Variants in GP1BA observed in about 807,000 individuals in gnomAD.
The protein encoded by GP1BA is platelet glycoprotein Ib alpha chain.
In GP1BA, 3 loss-of-function variants were observed where a neutral mutation model predicts 5.6. The ratio of observed to expected loss-of-function variants is 0.53; its 90% CI spans 0.24 to 1.38. The LOEUF (loss-of-function observed/expected upper bound fraction) is 1.38. GP1BA is among the 40% of genes most tolerant of loss of function. GP1BA has a pLI of 0.16. For synonymous variants in GP1BA, 323 were observed against 358.3 expected (o/e 0.90, Z 1.11); for missense variants, 707 against 801.4 (o/e 0.88, Z 1.42).
chr17:4,932,362 G>A lies in GP1BA; in HGVS notation c.-10G>A. On this transcript the variant is annotated 5_prime_UTR_variant, in exon 1 of 2. Coordinates refer to ENST00000329125, the MANE Select transcript of GP1BA (RefSeq NM_000173.7). This position sits in a 1 kb window ranked among gnomAD's most constrained non-coding sequence, Gnocchi z 4.8. ...TGTGCCTTCGGAGGTCTTTCTGCCT[G>A]CCTGTAAGCCGGGGTTGGTGCTGGG... The A allele has an allele frequency of 7.2e-7, 1 of 1,382,698 alleles. No individual in the cohort carries two copies. The highest frequency in any genetic ancestry group is 9.4e-7 in the Non-Finnish European group (1 of 1,068,062). The allele number at this position is 1,382,698 out of a possible 1,614,324, so 85.7% of individuals were successfully genotyped here.
Position 4,933,600 on chromosome 17 carries a change from T to C in GP1BA, c.996T>C (p.Ala332=). ...PWGLFYSWST[A]SLDSQMPSSL... Reference sequence around the variant, plus strand: ...GTCTATTCTACTCATGGTCCACTGCTTCTCTAGACAGCCAAATGCCCTCCT... The same window carrying C: ...GTCTATTCTACTCATGGTCCACTGCCTCTCTAGACAGCCAAATGCCCTCCT... The change falls in exon 2 of 2, where the codon GCT becomes GCC. Residue 332 remains alanine (A), a synonymous_variant. Transcript: ENST00000329125. The C allele has an allele frequency of 6.2e-7, 1 of 1,613,800 alleles. No individual in the cohort carries two copies. The highest frequency in any genetic ancestry group is 8.5e-7 in the Non-Finnish European group (1 of 1,179,822).
In GP1BA at chr17:4,934,586, G is replaced by T; in HGVS notation, c.*23G>T. 1 of 1,611,312 alleles carries T rather than the reference G, an allele frequency of 6.2e-7. No homozygotes were observed. Among genetic ancestry groups the T allele is most frequent in the South Asian group, 1.1e-5 (1 of 90,802 alleles). ...TGAGGGTGGGAGGTTTGGGGACCTT[G>T]AGAGAAGAGCCTGTGGGCTCTCCTA... On this transcript the variant is annotated 3_prime_UTR_variant, in exon 2 of 2. Coordinates refer to ENST00000329125, the MANE Select transcript of GP1BA (RefSeq NM_000173.7).
Position 4,933,514 on chromosome 17 carries a change from A to G in GP1BA, c.910A>G (p.Lys304Glu), listed in dbSNP as rs764047219. ...YYPEEDTEGDKVRATRTVVKF... is the reference protein window; with the variant it reads ...YYPEEDTEGDEVRATRTVVKF... ...CCCAGAAGAGGACACTGAGGGCGAT[A>G]AGGTGCGTGCCACAAGGACTGTGGT... Residue 304 changes from lysine (K) to glutamate (E), a missense_variant, in exon 2 of 2, where the codon AAG becomes GAG. By Grantham distance (56) the Lys-to-Glu change is moderately conservative (BLOSUM62 1). Transcript: ENST00000329125. 7 of 1,613,852 alleles carry G rather than the reference A, an allele frequency of 4.3e-6. No individual in the cohort carries two copies. Among genetic ancestry groups the G allele is most frequent in the Non-Finnish European group, 5.9e-6 (7 of 1,179,810 alleles).
At position 4,932,290 on chromosome 17, in the gene GP1BA, G is replaced by T. The variant is rs955928257; in HGVS notation, c.-82G>T. 8.2e-7 allele frequency: 1 copy of T among 1,213,474 alleles called. No homozygotes were observed. The highest frequency in any genetic ancestry group is 3.4e-4 in the Middle Eastern group (1 of 2,912). 75.2% of individuals were successfully genotyped at this position (1,213,474 alleles called of 1,614,324 possible). Reference sequence around the variant, plus strand: ...TGCCACTGGCTTAGTCCTCCATGGGGCTAGAAGAGAGAAGGACGGAGTCGA... The same window carrying T: ...TGCCACTGGCTTAGTCCTCCATGGGTCTAGAAGAGAGAAGGACGGAGTCGA... On this transcript the variant is annotated 5_prime_UTR_variant, in exon 1 of 2. Transcript: ENST00000329125. This position sits in a 1 kb window ranked among gnomAD's most constrained non-coding sequence, Gnocchi z 4.8.
Position 4,933,567 on chromosome 17 carries a change from C to T in GP1BA, c.963C>T (p.Thr321=), listed in dbSNP as rs527303575. 24 of 1,613,926 alleles carry T rather than the reference C, an allele frequency of 1.5e-5. No homozygotes were observed. The highest frequency in any genetic ancestry group is 8.0e-5 in the African/African-American group (6 of 74,998). Residue 321 remains threonine (T), a synonymous_variant, in exon 2 of 2, where the codon ACC becomes ACT. Transcript: ENST00000329125. ...VVKFPTKAHT[T]PWGLFYSWST... is the part of the protein sequence containing the mutation. ...AGTTCCCCACCAAAGCCCATACAACCCCCTGGGGTCTATTCTACTCATGGT... is the reference window on the plus strand; with the variant it reads ...AGTTCCCCACCAAAGCCCATACAACTCCCTGGGGTCTATTCTACTCATGGT...
chr17:4,932,382 G>A lies in GP1BA; in HGVS notation c.-7+17G>A. 7.1e-7 allele frequency: 1 copy of A among 1,402,866 alleles called. No homozygotes were observed. The highest frequency in any genetic ancestry group is 2.9e-5 in the Admixed American group (1 of 33,998). 86.9% of individuals were successfully genotyped at this position (1,402,866 alleles called of 1,614,324 possible). A position where few individuals can be genotyped will look rare whatever the true frequency, so the allele number is the denominator to read the frequency against. On this transcript the variant is annotated intron_variant, in intron 1 of 1. Coordinates refer to ENST00000329125, the MANE Select transcript of GP1BA (RefSeq NM_000173.7). This position sits in a 1 kb window ranked among gnomAD's most constrained non-coding sequence, Gnocchi z 4.8. ...TGCCTGCCTGTAAGCCGGGGTTGGTGCTGGGGCAGGAGAGGGGTCTGAGGG... is the reference window on the plus strand; with the variant it reads ...TGCCTGCCTGTAAGCCGGGGTTGGTACTGGGGCAGGAGAGGGGTCTGAGGG...
Position 4,934,200 on chromosome 17 carries a change from C to G in GP1BA, c.1596C>G (p.Gly532=), listed in dbSNP as rs781121287. 1 of 1,613,796 alleles carries G rather than the reference C, an allele frequency of 6.2e-7. No individual in the cohort carries two copies. The highest frequency in any genetic ancestry group is 1.7e-5 in the Admixed American group (1 of 59,978). The change falls in exon 2 of 2, where the codon GGC becomes GGG. Residue 532 remains glycine, a synonymous_variant. Transcript: ENST00000329125. ...ACTTTTGCTGCCTCCTCCCCCTGGG[C>G]TTCTATGTCTTGGGTCTCTTCTGGC... ...HPDFCCLLPL[G]FYVLGLFWLL... is the part of the protein sequence containing the mutation.
At position 4,934,567 on chromosome 17, in the gene GP1BA, T is replaced by C; in HGVS notation, c.*4T>C. ...GTACTCTGGCCACAGCCTCTGAGGGTGGGAGGTTTGGGGACCTTGAGAGAA... is the reference window on the plus strand; with the variant it reads ...GTACTCTGGCCACAGCCTCTGAGGGCGGGAGGTTTGGGGACCTTGAGAGAA... On this transcript the variant is annotated 3_prime_UTR_variant, in exon 2 of 2. Transcript: ENST00000329125. 1 of 1,613,168 alleles carries C rather than the reference T, an allele frequency of 6.2e-7. No homozygotes were observed. The highest frequency in any genetic ancestry group is 1.1e-5 in the South Asian group (1 of 90,978).
In GP1BA at chr17:4,934,660, G is replaced by GC; in HGVS notation, c.*97_*98insC. ...GGGGTAAGGAACACAGGGTGATAGG[G>GC]AGGGGTCTTAGTTCCTTTTTCTGTA... On this transcript the variant is annotated 3_prime_UTR_variant, in exon 2 of 2. Transcript: ENST00000329125. 7.9e-7 allele frequency: 1 copy of GC among 1,265,632 alleles called. No individual in the cohort carries two copies. The highest frequency in any genetic ancestry group is 1.3e-5 in the South Asian group (1 of 77,976). 78.4% of individuals were successfully genotyped at this position (1,265,632 alleles called of 1,614,324 possible). A position where few individuals can be genotyped will look rare whatever the true frequency, so the allele number is the denominator to read the frequency against.
rs565951499 is a variant in GP1BA at position 4,933,855 on chromosome 17, C to T, written c.1251C>T (p.Pro417=). The part of the protein sequence containing the change: ...SPTTPEPTSE[P]APSPTTPEPT... ...CCACCCCAGAGCCCACCTCAGAGCC[C>T]GCCCCCAGCCCGACCACCCCGGAGC... The change falls in exon 2 of 2, where the codon CCC becomes CCT. Residue 417 remains proline (P), a synonymous_variant. Transcript: ENST00000329125. 7.6e-5 allele frequency: 107 copies of T among 1,412,440 alleles called. 1 individual carries two copies. The East Asian group carries it at 3.5e-3, about 47-fold the overall frequency. 87.5% of individuals were successfully genotyped at this position (1,412,440 alleles called of 1,614,324 possible).
In GP1BA at chr17:4,933,121, A is replaced by C; in HGVS notation, c.517A>C (p.Asn173His). The change falls in exon 2 of 2, where the codon AAC (asparagine) becomes CAC (histidine). Residue 173 changes from asparagine to histidine, a missense_variant. Asn to His is a moderately conservative substitution (Grantham distance 68, BLOSUM62 1). Transcript: ENST00000329125. ...TPKLEKLSLA[N>H]NNLTELPAGL... is the part of the protein sequence containing the mutation. ...CAAGCTGGAGAAGCTCAGTCTGGCTAACAACAACTTGACTGAGCTCCCCGC... is the reference window on the plus strand; with the variant it reads ...CAAGCTGGAGAAGCTCAGTCTGGCTCACAACAACTTGACTGAGCTCCCCGC... The C allele has an allele frequency of 6.2e-7, 1 of 1,613,870 alleles. No homozygotes were observed. Among genetic ancestry groups the C allele is most frequent in the Non-Finnish European group, 8.5e-7 (1 of 1,179,770 alleles).
chr17:4,932,649 C>T lies in GP1BA; in HGVS notation c.45C>T (p.His15=), dbSNP rs952083624. 56 of 1,613,774 alleles carry T rather than the reference C, an allele frequency of 3.5e-5. No homozygotes were observed. The highest frequency in any genetic ancestry group is 4.5e-5 in the Non-Finnish European group (53 of 1,179,848). ...LLLLLLPSPL[H]PHPICEVSKV... is the part of the protein sequence containing the mutation. ...TGCTCCTGCTGCCAAGCCCCTTACA[C>T]CCCCACCCCATCTGTGAGGTCTCCA... The change falls in exon 2 of 2, where the codon CAC becomes CAT. Residue 15 remains histidine (H), a synonymous_variant. Coordinates refer to ENST00000329125, the MANE Select transcript of GP1BA (RefSeq NM_000173.7). The surrounding 1 kb of genome is among the most constrained non-coding windows in gnomAD (Gnocchi z 4.8).
chr17:4,934,690 A>G lies in GP1BA; in HGVS notation c.*127A>G. On this transcript the variant is annotated 3_prime_UTR_variant, in exon 2 of 2. Coordinates refer to ENST00000329125, the MANE Select transcript of GP1BA (RefSeq NM_000173.7). ...GTCTTAGTTCCTTTTTCTGTATCAG[A>G]AGCCCTGTCTTCACAACACAGGCAC... 1 of 948,714 alleles carries G rather than the reference A, an allele frequency of 1.1e-6. No individual in the cohort carries two copies. The highest frequency in any genetic ancestry group is 1.6e-6 in the Non-Finnish European group (1 of 611,818). 58.8% of individuals were successfully genotyped at this position (948,714 alleles called of 1,614,324 possible).
At position 4,934,471 on chromosome 17, in the gene GP1BA, G is replaced by A. The variant is rs753825046; in HGVS notation, c.1867G>A (p.Val623Met). 6.2e-7 allele frequency: 1 copy of A among 1,614,030 alleles called. No individual in the cohort carries two copies. The highest frequency in any genetic ancestry group is 8.5e-7 in the Non-Finnish European group (1 of 1,179,910). ...VRPNGRVGPLVAGRRPSALSQ... is the reference protein window; with the variant it reads ...VRPNGRVGPLMAGRRPSALSQ... ...GCCTAATGGCCGTGTGGGGCCTCTA[G>A]TGGCAGGAAGGAGGCCCTCAGCTCT... is the stretch of plus-strand genomic sequence containing the variant. The change falls in exon 2 of 2, where the codon GTG becomes ATG. Residue 623 changes from valine (V) to methionine (M), a missense_variant. Coordinates refer to ENST00000329125, the MANE Select transcript of GP1BA (RefSeq NM_000173.7).
chr17:4,934,049 CA>C lies in GP1BA; in HGVS notation c.1449del (p.Lys483AsnfsTer6). 4 of 1,613,690 alleles carry C rather than the reference CA, an allele frequency of 2.5e-6. No homozygotes were observed. The highest frequency in any genetic ancestry group is 2.5e-6 in the Non-Finnish European group (3 of 1,179,886). On this transcript the variant is annotated frameshift_variant, in exon 2 of 2. Coordinates refer to ENST00000329125, the MANE Select transcript of GP1BA (RefSeq NM_000173.7). LOFTEE classifies it low-confidence loss of function (END_TRUNC). ...CCAAAAAGCACATTTTTAACTACCA[CA>C]AAACCCGTATCACTCTTAGAATCCA... ...ITPKSTFLTT[T>X]KPVSLLESTK...
At position 4,933,172 on chromosome 17, in the gene GP1BA, C is replaced by T; in HGVS notation, c.568C>T (p.Leu190Phe). Residue 190 changes from leucine (L) to phenylalanine (F), a missense_variant, in exon 2 of 2, where the codon CTC becomes TTC. By Grantham distance (22) the Leu-to-Phe change is conservative (BLOSUM62 0). This residue lies in a region of GP1BA where 442 missense variants were observed against 498.8 expected (regional missense o/e 0.89). Coordinates refer to ENST00000329125, the MANE Select transcript of GP1BA (RefSeq NM_000173.7). ...PAGLLNGLEN[L>F]DTLLLQENSL... ...TGGGCTCCTGAATGGGCTGGAGAAT[C>T]TCGACACCCTTCTCCTCCAAGAGAA... The T allele has an allele frequency of 6.2e-7, 1 of 1,613,970 alleles. No homozygotes were observed. The highest frequency in any genetic ancestry group is 1.1e-5 in the South Asian group (1 of 91,084).
In GP1BA at chr17:4,932,311, G is replaced by A. The variant is rs569175788; in HGVS notation, c.-61G>A. 2.3e-5 allele frequency: 29 copies of A among 1,271,146 alleles called. 1 individual carries two copies. The South Asian group carries it at 5.5e-4, about 24-fold the overall frequency. The allele number at this position is 1,271,146 out of a possible 1,614,324, so 78.7% of individuals were successfully genotyped here. ...TGGGGCTAGAAGAGAGAAGGACGGA[G>A]TCGAGTGGCACCCTAGAAGACGCTC... On this transcript the variant is annotated 5_prime_UTR_variant, in exon 1 of 2. Coordinates refer to ENST00000329125, the MANE Select transcript of GP1BA (RefSeq NM_000173.7). This position sits in a 1 kb window ranked among gnomAD's most constrained non-coding sequence, Gnocchi z 4.8.
Position 4,932,397 on chromosome 17 carries a change from G to T in GP1BA, c.-7+32G>T. On this transcript the variant is annotated intron_variant, in intron 1 of 1. Transcript: ENST00000329125. The surrounding 1 kb of genome is among the most constrained non-coding windows in gnomAD (Gnocchi z 4.8). ...CGGGGTTGGTGCTGGGGCAGGAGAG[G>T]GGTCTGAGGGAGGGGAAAGAGCCAA... 1 of 1,399,446 alleles carries T rather than the reference G, an allele frequency of 7.1e-7. No homozygotes were observed. The highest frequency in any genetic ancestry group is 2.9e-5 in the Admixed American group (1 of 34,228). 86.7% of individuals were successfully genotyped at this position (1,399,446 alleles called of 1,614,324 possible).
Position 4,934,450 on chromosome 17 carries a change from AAT to A in GP1BA, c.1847_1848del (p.Asn616ArgfsTer30), listed in dbSNP as rs1970393329. On this transcript the variant is annotated frameshift_variant, in exon 2 of 2. Coordinates refer to ENST00000329125, the MANE Select transcript of GP1BA (RefSeq NM_000173.7). LOFTEE classifies it high-confidence loss of function. ...CAGCCTCTTCCTGTGGGTACGGCCT[AAT>A]GGCCGTGTGGGGCCTCTAGTGGCAG... is the stretch of plus-strand genomic sequence containing the variant. ...RSSLFLWVRP[N>X]GRVGPLVAGR... The A allele has an allele frequency of 1.9e-6, 3 of 1,611,782 alleles. No individual in the cohort carries two copies. The highest frequency in any genetic ancestry group is 2.5e-6 in the Non-Finnish European group (3 of 1,177,866).
Sources: allele counts gnomAD v4.1 joint callset, GRCh38; gene constraint gnomAD v4.1.1; regional missense constraint gnomAD v4.1.1; non-coding constraint Gnocchi (gnomAD v3.1); transcripts MANE v1.5; gene names NCBI Gene and HGNC (gene_info 2026-07-23, HGNC 2026-07-21).